The following KIF16B variants were observed in gnomAD, a reference collection of about 807,000 sequenced individuals.
KIF16B encodes the protein kinesin-like protein KIF16B.
A neutral mutation model predicts 156.3 loss-of-function variants in KIF16B; 98 were observed. The observed-to-expected ratio is 0.63, with a 90% CI of 0.53 to 0.74. KIF16B has a LOEUF of 0.74. KIF16B is among the 30% of genes least tolerant of loss of function. KIF16B has a pLI of 0.00. For missense variants in KIF16B, 1,421 were observed against 1,606.5 expected, an observed-to-expected ratio of 0.88 and a Z score of 1.97; for synonymous variants, 564 against 583.7, an observed-to-expected ratio of 0.97 and a Z score of 0.49.
chr20:16,280,543 T>A (rs1386450594), intron 25 of KIF16B, among the ~76,000 whole-genome samples: 2 of 152,152 alleles, frequency 1.3e-5, no homozygotes, highest in African/African-American at 4.8e-5. Context: ...GTTCATGAGC[T>A]TATGTGAGCC....
intron 24 of KIF16B, among the ~76,000 whole-genome samples, chr20:16,318,871 G>A (rs1028770717): frequency 6.6e-6 from 1 of 152,152 alleles, no homozygotes; most frequent in Non-Finnish European, 1.5e-5. Context: ...GCTATGCATA[G>A]TGACTTCCTT....
intron 15 of KIF16B, among the ~76,000 whole-genome samples, chr20:16,413,065 G>A (rs534385663): frequency 5.3e-5 from 8 of 151,960 alleles, no homozygotes; most frequent in Non-Finnish European, 1.0e-4. Context: ...ATTCCTTCCA[G>A]ATCTTAAATT....
intron 12 of KIF16B, 114 bp from the exon 13 acceptor site, chr20:16,430,096 T>G: frequency 8.8e-7 from 1 of 1,135,146 alleles, no homozygotes; most frequent in East Asian, 2.5e-5. Flanking sequence ...TCTAAAAAAC[T>G]GCAAGAAAAA....
At chr20:16,389,851 G>A (rs2065321752) in intron 17 of KIF16B, among the ~76,000 whole-genome samples, 1 of 152,188 alleles carries the variant, frequency 6.6e-6, no homozygotes, top group South Asian at 2.1e-4. Context: ...GAAAGGCCTT[G>A]AAGTCTTTCC....
At chr20:16,335,787 T>A (rs566389671) in intron 24 of KIF16B, 139 bp downstream of exon 24, 1 of 492,622 alleles carries the variant, frequency 2.0e-6, no homozygotes, top group African/African-American at 1.9e-5. Context: ...AATGGGTTAT[T>A]GAAGTAAGAC....
intron 25 of KIF16B, among the ~76,000 whole-genome samples, chr20:16,283,683 G>A (rs1235048197): frequency 2.6e-5 from 4 of 152,192 alleles, no homozygotes; most frequent in African/African-American, 9.7e-5. Context: ...CAAACGTTGT[G>A]GCTGGAAGCA....
chr20:16,487,692 G>A (rs1015518039), intron 12 of KIF16B, among the ~76,000 whole-genome samples: 1 of 152,136 alleles, frequency 6.6e-6, no homozygotes, highest in Admixed American at 6.5e-5. Flanking sequence ...TTTCTTGTTA[G>A]TCAAAACATT....
intron 22 of KIF16B, chr20:16,369,199 C>T (rs1029470569): frequency 1.0e-6 from 1 of 985,798 alleles, no homozygotes; most frequent in African/African-American, 1.7e-5. Flanking sequence ...TTTAATGAGG[C>T]TGGAAGTGTC....
chr20:16,389,317 C>A (rs2065305997), intron 17 of KIF16B, among the ~76,000 whole-genome samples: 1 of 152,004 alleles, frequency 6.6e-6, no homozygotes, highest in South Asian at 2.1e-4. Context: ...AACAAGAGGC[C>A]CAACTTTCAA....
At chr20:16,425,257 T>C (rs1399265514) in intron 15 of KIF16B, among the ~76,000 whole-genome samples, 1 of 152,118 alleles carries the variant, frequency 6.6e-6, no homozygotes, top group African/African-American at 2.4e-5. Context: ...GAAAGCCAGC[T>C]TGAAGAAACT....
intron 9 of KIF16B, among the ~76,000 whole-genome samples, chr20:16,504,753 T>C (rs759965588): frequency 1.8e-4 from 27 of 151,898 alleles, no homozygotes; most frequent in Non-Finnish European, 5.9e-5. Context: ...TTTGCTCTTC[T>C]CAAATCTAGA....
chr20:16,273,673 A>G (rs1045745787), intron 25 of KIF16B, among the ~76,000 whole-genome samples: 4 of 151,476 alleles, frequency 2.6e-5, no homozygotes, highest in African/African-American at 9.7e-5. Context: ...CAATCAATCA[A>G]TCAATCAATC....
At chr20:16,526,306 G>T (rs1461694547) in intron 2 of KIF16B, 101 bp from the exon 3 acceptor site, 2 of 524,242 alleles carry the variant, frequency 3.8e-6, no homozygotes, top group African/African-American at 2.0e-5. Context: ...TTTCATTCCT[G>T]CTGGCTTCTC....
At chr20:16,410,185 G>C (rs1401517205) in intron 15 of KIF16B, among the ~76,000 whole-genome samples, 1 of 140,612 alleles carries the variant, frequency 7.1e-6, no homozygotes, top group Non-Finnish European at 1.5e-5. Flanking sequence ...ATATATGTAG[G>C]TACATATACA....
intron 16 of KIF16B, among the ~76,000 whole-genome samples, chr20:16,405,709 G>C (rs1199908118): frequency 6.6e-6 from 1 of 152,056 alleles, no homozygotes; most frequent in Non-Finnish European, 1.5e-5. Context: ...ATAGCATGGG[G>C]GTATTAACGG....
chr20:16,340,986 T>C (rs770993693), intron 23 of KIF16B, among the ~76,000 whole-genome samples: 1 of 152,074 alleles, frequency 6.6e-6, no homozygotes, highest in Non-Finnish European at 1.5e-5. Context: ...CCCAAAAGCA[T>C]CCAATACACC....
intron 25 of KIF16B, among the ~76,000 whole-genome samples, chr20:16,302,511 C>A (rs547368182): frequency 1.2e-4 from 18 of 152,150 alleles, no homozygotes; most frequent in Non-Finnish European, 2.1e-4. Context: ...TTGATTACTG[C>A]AGCTTTGTAT....
rs192077489 is a variant in KIF16B, at chr20:16,501,388, T to C, written c.1176+2984A>G. On this transcript the variant is annotated intron_variant, in intron 10 of 25. Coordinates refer to ENST00000354981, the MANE Select transcript of KIF16B (RefSeq NM_024704.5). The stretch of plus-strand genomic sequence containing the variant: ...ATACCAAGAATTTAACCGGCACTTC[T>C]ATACACTGATGGTGGTCTATTAACT... Among the ~76,000 whole-genome samples, 84 of 139,366 alleles carry C rather than the reference T, an allele frequency of 6.0e-4. 1 individual carries two copies. In the Middle Eastern group the frequency reaches 0.027, roughly 44 times the overall value. 91.4% of individuals were successfully genotyped at this position (139,366 alleles called of 152,430 possible).
At chr20:16,471,944 G>C (rs6043984) in intron 12 of KIF16B, among the ~76,000 whole-genome samples, 33,618 of 152,122 alleles carry the variant, frequency 0.22, 3,806 homozygotes, top group Admixed American at 0.26. Context: ...ACATATAGCT[G>C]CAAACATTTA....
Sources: gnomAD v4.1 joint callset for allele counts (sites outside exome capture counted in the v4.1 genomes callset) on GRCh38, gnomAD v4.1.1 for gene constraint, MANE v1.5 for transcripts, NCBI Gene and HGNC (gene_info 2026-07-23, HGNC 2026-07-21) for gene names.